AKR1C2: variants seen among roughly 807,000 people sequenced by gnomAD.
AKR1C2 encodes the protein 3-alpha-HSD3.
In AKR1C2, 27 loss-of-function variants were observed where a neutral mutation model predicts 39.8. The observed-to-expected ratio is 0.68, with a 90% confidence interval of 0.50 to 0.93. The LOEUF is 0.93. Among genes scored for constraint, AKR1C2 ranks in the 40% least tolerant of loss-of-function variants. The pLI is 0.00. For missense variants in AKR1C2, 263 were observed against 365.1 expected, an observed-to-expected ratio of 0.72 and a Z score of 2.28; for synonymous variants, 114 against 137.9, an observed-to-expected ratio of 0.83 and a Z score of 1.22.
At chr10:4,999,857 A>T in intron 3 of AKR1C2, 1 of 857,524 alleles carries the variant, frequency 1.2e-6, no homozygotes, top group African/African-American at 1.8e-5. Context: ...AGCCTTTTGT[A>T]ATAAAGCAGA....
chr10:5,004,027 A>G (rs1187827286), upstream of AKR1C2: 2 of 535,746 alleles, frequency 3.7e-6, no homozygotes, highest in African/African-American at 3.8e-5. Flanking sequence ...AAGAAAATTC[A>G]TAAGTAAATT....
At position 5,003,708 on chromosome 10, in the gene AKR1C2, C is replaced by G. The variant is rs782270287; in HGVS notation, c.84+44G>C. On this transcript the variant is annotated intron_variant, in intron 1 of 8. Transcript: ENST00000380753. The stretch of plus-strand genomic sequence containing the variant: ...TGACAACCTGGTCAGCTTCCACTTA[C>G]TCTAGCTCCTTTGAACTCTCAACAC... The G allele has an allele frequency of 3.2e-6, 5 of 1,560,744 alleles. No homozygotes were observed. The Admixed American group carries it at 6.7e-5, about 21-fold the overall frequency.
At chr10:4,991,339 G>C (rs1182796828) in intron 8 of AKR1C2, among the ~76,000 whole-genome samples, 1 of 152,090 alleles carries the variant, frequency 6.6e-6, no homozygotes, top group African/African-American at 2.4e-5. Flanking sequence ...GATTAAAAAT[G>C]CTAAATTGAC....
At chr10:5,007,215 A>T (rs1421052340), upstream of AKR1C2, among the ~76,000 whole-genome samples, 14 of 144,104 alleles carry the variant, frequency 9.7e-5, no homozygotes, top group Admixed American at 1.4e-4. Context: ...AGCAACGTGA[A>T]GTCATATAGA....
chr10:4,994,136 TTATAA>T (rs1186575734), intron 7 of AKR1C2, among the ~76,000 whole-genome samples: 1 of 151,640 alleles, frequency 6.6e-6, no homozygotes. Context: ...GACATAGGTT[TTATAA>T]TATATATCAT....
At chr10:5,003,234 A>G (rs1554774040) in intron 1 of AKR1C2, among the ~76,000 whole-genome samples, 2 of 142,524 alleles carry the variant, frequency 1.4e-5, no homozygotes, top group African/African-American at 5.3e-5. Flanking sequence ...AAATGAGGAT[A>G]TTTTATTATT....
rs569952465 is a variant in AKR1C2 at position 4,997,003 on chromosome 10, C to A, written c.571-1138G>T. ...TATGACTTCTTCTGTTGAGAATTAT[C>A]CCCCAGCAGATTACTAGTAATTGTT... is the stretch of plus-strand genomic sequence containing the variant. On this transcript the variant is annotated intron_variant, in intron 5 of 8. Coordinates refer to ENST00000380753, the MANE Select transcript of AKR1C2 (RefSeq NM_001393392.1). Among the ~76,000 whole-genome samples the A allele has an allele frequency of 1.6e-4, 24 of 152,108 alleles. No homozygotes were observed. In the South Asian group the frequency reaches 4.6e-3, roughly 29 times the overall value.
rs371684328 is a variant in AKR1C2 at position 4,990,099 on chromosome 10, C to T, written c.930-61G>A. ...CAATGACTCCGTTACTAGCCCGTAG[C>T]GCAGTGATTTCTAGGAAGCTGCCGC... On this transcript the variant is annotated intron_variant, in intron 8 of 8. Coordinates refer to ENST00000380753, the MANE Select transcript of AKR1C2 (RefSeq NM_001393392.1). The T allele has an allele frequency of 6.8e-4, 1,081 of 1,598,184 alleles. 1 individual carries two copies. Among genetic ancestry groups the T allele is most frequent in the Middle Eastern group, 1.7e-3 (10 of 6,012 alleles).
chr10:5,007,767 C>A (rs781924168), upstream of AKR1C2, among the ~76,000 whole-genome samples: 5 of 151,454 alleles, frequency 3.3e-5, no homozygotes, highest in Non-Finnish European at 7.4e-5. Context: ...AAATTTCTAC[C>A]GGCTATGAGC....
In AKR1C2 at chr10:5,001,758, C is replaced by T. The variant is rs1837282424; in HGVS notation, c.85-77G>A. On this transcript the variant is annotated intron_variant, in intron 1 of 8. Transcript: ENST00000380753. ...GTTCGGGCACAAGCAGCAACGTTCA[C>T]AAAAATCAGCTTTTCCTCCTTTCTT... is the stretch of plus-strand genomic sequence containing the variant. 3 of 1,588,264 alleles carry T rather than the reference C, an allele frequency of 1.9e-6. No homozygotes were observed. In the South Asian group the frequency reaches 3.4e-5, roughly 18 times the overall value.
intron 1 of AKR1C2, among the ~76,000 whole-genome samples, chr10:5,014,313 C>A (rs1200556658): frequency 1.3e-5 from 2 of 152,162 alleles, no homozygotes; most frequent in Non-Finnish European, 2.9e-5. Context: ...ATTGTCCAGG[C>A]TGTCCTCTGC....
chr10:4,992,388 A>C (rs1836870278), intron 7 of AKR1C2, among the ~76,000 whole-genome samples: 1 of 152,232 alleles, frequency 6.6e-6, no homozygotes, highest in Non-Finnish European at 1.5e-5. Context: ...TTTCACATTC[A>C]AAAGGTGTGG....
chr10:5,003,831 T>A lies in AKR1C2; in HGVS notation c.5A>T (p.Asp2Val), dbSNP rs1171420129. 3.4e-5 allele frequency: 55 copies of A among 1,614,016 alleles called. No homozygotes were observed. The highest frequency in any genetic ancestry group is 4.4e-5 in the Non-Finnish European group (52 of 1,179,996). The change falls in exon 1 of 9, where the codon GAT (aspartate) becomes GTT (valine). Residue 2 changes from aspartate to valine, a missense_variant. By Grantham distance (152) the Asp-to-Val change is radical (BLOSUM62 -3). This residue lies in a region of AKR1C2 where 247 missense variants were observed against 267.9 expected (regional missense o/e 0.92). Transcript: ENST00000380753. M[D>V]SKYQCVKLND... ...CAGCTTCACACACTGGTATTTCGAA[T>A]CCATTTCTGTCACTGGCCTGGTTAG... is the stretch of plus-strand genomic sequence containing the variant.
At chr10:5,000,264 A>G (rs373386344) in intron 3 of AKR1C2, 14 of 1,459,890 alleles carry the variant, frequency 9.6e-6, no homozygotes, top group Admixed American at 2.8e-5. Flanking sequence ...GGAATCATAA[A>G]TAAGACCTTG....
At chr10:5,002,505 T>A (rs559480979) in intron 1 of AKR1C2, among the ~76,000 whole-genome samples, 1 of 152,308 alleles carries the variant, frequency 6.6e-6, no homozygotes, top group South Asian at 2.1e-4. Flanking sequence ...TATTGATTTG[T>A]GTATGTAAGA....
intron 1 of AKR1C2, among the ~76,000 whole-genome samples, chr10:5,003,087 A>G (rs1441309006): frequency 2.6e-5 from 4 of 152,118 alleles, no homozygotes; most frequent in Admixed American, 6.5e-5. Flanking sequence ...AAAATAAAAT[A>G]TATTCCATTA....
intron 1 of AKR1C2, among the ~76,000 whole-genome samples, chr10:5,014,064 C>G (rs1237936695): frequency 1.3e-5 from 2 of 152,144 alleles, no homozygotes; most frequent in Non-Finnish European, 2.9e-5. Context: ...TAAATAATGT[C>G]CCTTTGTAGA....
chr10:5,009,599 G>A (rs1837477680), intron 1 of AKR1C2, among the ~76,000 whole-genome samples: 1 of 148,080 alleles, frequency 6.8e-6, no homozygotes, highest in South Asian at 2.2e-4. Context: ...GTAGAAGAGG[G>A]TGGTTTCCCA....
At chr10:4,997,984 C>A (rs1408517560) in intron 5 of AKR1C2, among the ~76,000 whole-genome samples, 6 of 152,194 alleles carry the variant, frequency 3.9e-5, no homozygotes, top group Admixed American at 1.3e-4. Context: ...AGGAGCGGGG[C>A]AGTCATAGGT....
Sources: gnomAD v4.1 joint callset for allele counts (sites outside exome capture counted in the v4.1 genomes callset) on GRCh38, gnomAD v4.1.1 for gene constraint, gnomAD v4.1.1 regional missense constraint, MANE v1.5 for transcripts, NCBI Gene and HGNC (gene_info 2026-07-23, HGNC 2026-07-21) for gene names.